ARHGEF3: variants seen among roughly 807,000 people sequenced by gnomAD.
ARHGEF3 encodes Rho guanine nucleotide exchange factor 3, also known as 59.8 kDA protein.
A neutral mutation model predicts 63.2 loss-of-function variants in ARHGEF3; 28 were observed. The ratio of observed to expected loss-of-function variants is 0.44; its 90% CI spans 0.33 to 0.61. The LOEUF (loss-of-function observed/expected upper bound fraction) is 0.61, where lower values mean the gene tolerates loss of function less well. Ranked by LOEUF, ARHGEF3 falls within the 20% of genes least tolerant of loss-of-function variation. The probability of loss-of-function intolerance (pLI) is 0.03; values close to 1 mark genes in which losing one functional copy is unlikely to be tolerated. For missense variants in ARHGEF3, 533 were observed against 659.3 expected (o/e 0.81, Z 2.10); for synonymous variants, 266 against 254.2 (o/e 1.05, Z -0.44).
At chr3:57,034,167 G>C (rs1469812957) in intron 2 of ARHGEF3, among the ~76,000 whole-genome samples, 1 of 151,822 alleles carries the variant, frequency 6.6e-6, no homozygotes, top group Admixed American at 6.6e-5. Context: ...GTGTTGCCCA[G>C]GCTGGAGTGC....
intron 3 of ARHGEF3, among the ~76,000 whole-genome samples, chr3:56,919,169 A>AT (rs1035792247): frequency 7.0e-4 from 106 of 152,178 alleles, no homozygotes; most frequent in African/African-American, 2.4e-3. Flanking sequence ...AGACATTCTA[A>AT]TTTTTTCAAT....
rs2032973748 is a variant in ARHGEF3 at position 56,729,635 on chromosome 3, AAC to A, written c.1229-15_1229-14del. Reference sequence around the variant, plus strand: ...AAGAAGTTTTTAACTAGAAAGGAAAAACACATGAAAAACAAAGTCAATGGACA... The same window carrying A: ...AAGAAGTTTTTAACTAGAAAGGAAAAACATGAAAAACAAAGTCAATGGACA... On this transcript the variant is annotated splice_polypyrimidine_tract_variant and intron_variant, in intron 9 of 9. Transcript: ENST00000296315. 1 of 1,577,834 alleles carries A rather than the reference AAC, an allele frequency of 6.3e-7. No homozygotes were observed. The highest frequency in any genetic ancestry group is 8.6e-7 in the Non-Finnish European group (1 of 1,159,384).
At chr3:56,910,785 A>T (rs556818976) in intron 3 of ARHGEF3, among the ~76,000 whole-genome samples, 4 of 152,346 alleles carry the variant, frequency 2.6e-5, no homozygotes, top group South Asian at 4.1e-4. Context: ...TTTCCTAAAA[A>T]TCACAATCAT....
rs551167571 is a variant in ARHGEF3, at chr3:56,732,551, A to C, written c.1042-127T>G. ...ACTGGATTATGAACTCCTAGGTTCAAATCTACCTCCAGGAGAACCAAAGTT... is the reference window on the plus strand; with the variant it reads ...ACTGGATTATGAACTCCTAGGTTCACATCTACCTCCAGGAGAACCAAAGTT... On this transcript the variant is annotated intron_variant, in intron 8 of 9. Coordinates refer to ENST00000296315, the MANE Select transcript of ARHGEF3 (RefSeq NM_019555.3). 177 of 1,106,544 alleles carry C rather than the reference A, an allele frequency of 1.6e-4. No homozygotes were observed. In the African/African-American group the frequency reaches 2.7e-3, roughly 17 times the overall value. 68.5% of individuals were successfully genotyped at this position (1,106,544 alleles called of 1,614,324 possible).
intron 2 of ARHGEF3, among the ~76,000 whole-genome samples, chr3:56,758,781 A>C (rs914665149): frequency 6.6e-6 from 1 of 152,234 alleles, no homozygotes; most frequent in African/African-American, 2.4e-5. Context: ...TCAATTAGCC[A>C]CAAGCATTAA....
intron 1 of ARHGEF3, among the ~76,000 whole-genome samples, chr3:56,778,588 A>T (rs2036395443): frequency 6.6e-6 from 1 of 152,248 alleles, no homozygotes; most frequent in Non-Finnish European, 1.5e-5. Context: ...GCTGCTGTGC[A>T]GTGGCACGAT....
intron 2 of ARHGEF3, among the ~76,000 whole-genome samples, chr3:56,760,711 G>T (rs1017531166): frequency 2.0e-5 from 3 of 151,752 alleles, no homozygotes; most frequent in African/African-American, 7.2e-5. Context: ...CTACTTTGGG[G>T]ACTGCATCTA....
chr3:57,001,341 G>T (rs368330253), intron 2 of ARHGEF3, among the ~76,000 whole-genome samples: 2 of 152,206 alleles, frequency 1.3e-5, no homozygotes, highest in African/African-American at 4.8e-5. Flanking sequence ...ATGGATATAA[G>T]CTCAATTAAT....
rs184775382 is a variant in ARHGEF3 at position 56,853,494 on chromosome 3, G to A, written c.192+28798C>T. ...TGGGATTACAGGCATGTGCCACCAC[G>A]CCTGGCTAATTTTTGTATTTTTAGT... On this transcript the variant is annotated intron_variant, in intron 4 of 12. Transcript: ENST00000338458. Among the ~76,000 whole-genome samples the A allele has an allele frequency of 2.5e-3, 379 of 152,120 alleles. 1 individual carries two copies. Among genetic ancestry groups the A allele is most frequent in the African/African-American group, 8.6e-3 (356 of 41,478 alleles).
At chr3:56,830,166 T>G (rs968634905) in intron 4 of ARHGEF3, among the ~76,000 whole-genome samples, 1 of 152,096 alleles carries the variant, frequency 6.6e-6, no homozygotes, top group African/African-American at 2.4e-5. Flanking sequence ...ACACTGTCTC[T>G]CCCAAGATGA....
At chr3:57,007,485 G>T in intron 2 of ARHGEF3, 1 of 692,434 alleles carries the variant, frequency 1.4e-6, no homozygotes, top group Non-Finnish European at 2.1e-6. Flanking sequence ...TTGGTTTTCT[G>T]CAGAACCTCC....
chr3:56,729,772 C>CTCCA, intron 9 of ARHGEF3, 150 bp from the exon 10 acceptor site: 1 of 665,064 alleles, frequency 1.5e-6, no homozygotes, highest in Non-Finnish European at 2.5e-6. Flanking sequence ...CATGGCTCAG[C>CTCCA]TCCACCCTGC....
chr3:56,731,292 A>C (rs1339068607), intron 9 of ARHGEF3, among the ~76,000 whole-genome samples: 1 of 152,070 alleles, frequency 6.6e-6, no homozygotes, highest in African/African-American at 2.4e-5. Context: ...GCACTTTGGG[A>C]GGCTGAGGTG....
intron 4 of ARHGEF3, among the ~76,000 whole-genome samples, chr3:56,851,106 T>G (rs1264202464): frequency 6.6e-6 from 1 of 152,102 alleles, no homozygotes; most frequent in Non-Finnish European, 1.5e-5. Flanking sequence ...GTACTAAGGG[T>G]GGGTACATGT....
At chr3:56,836,009 A>G (rs1207607512) in intron 4 of ARHGEF3, among the ~76,000 whole-genome samples, 1 of 152,236 alleles carries the variant, frequency 6.6e-6, no homozygotes, top group Non-Finnish European at 1.5e-5. Flanking sequence ...GGTGTTTAGC[A>G]TGAGTATTTC....
intron 1 of ARHGEF3, among the ~76,000 whole-genome samples, chr3:57,048,299 A>G (rs1017427832): frequency 6.6e-6 from 1 of 152,200 alleles, no homozygotes; most frequent in African/African-American, 2.4e-5. Context: ...GTCAAGTCAC[A>G]TGTCCACCAT....
chr3:56,905,634 A>T (rs1041464207), intron 3 of ARHGEF3, among the ~76,000 whole-genome samples: 3 of 152,216 alleles, frequency 2.0e-5, no homozygotes, highest in Admixed American at 6.5e-5. Flanking sequence ...AAGTTTGCTA[A>T]ACATTGCCAA....
At chr3:57,043,684 G>A (rs976638526) in intron 1 of ARHGEF3, among the ~76,000 whole-genome samples, 1 of 152,052 alleles carries the variant, frequency 6.6e-6, no homozygotes, top group African/African-American at 2.4e-5. Flanking sequence ...GGGCTTCTCT[G>A]GATAAAGAAC....
At chr3:56,899,581 A>C (rs2041436358) in intron 3 of ARHGEF3, among the ~76,000 whole-genome samples, 1 of 152,256 alleles carries the variant, frequency 6.6e-6, no homozygotes, top group Admixed American at 6.5e-5. Context: ...TAGTAATATA[A>C]ACTTTCCATT....
Sources: allele counts gnomAD v4.1 joint callset (sites outside exome capture counted in the v4.1 genomes callset), GRCh38; gene constraint gnomAD v4.1.1; transcripts MANE v1.5; gene names NCBI Gene and HGNC (gene_info 2026-07-23, HGNC 2026-07-21).